The following NTRK3 variants were observed in gnomAD, a reference collection of about 807,000 sequenced individuals.
The protein encoded by NTRK3 is NT-3 growth factor receptor.
Under a neutral mutation model 91.7 loss-of-function variants are expected in NTRK3, and 24 were observed. That is an observed-to-expected ratio of 0.26 (90% CI 0.19 to 0.37). NTRK3 has a LOEUF of 0.37. Among genes scored for constraint, NTRK3 ranks in the 10% least tolerant of loss-of-function variants. NTRK3 has a pLI of 1.00. For synonymous variants in NTRK3, 483 were observed against 404.0 expected (o/e 1.20, Z -2.34); for missense variants, 880 against 1,068.9 (o/e 0.82, Z 2.46).
intron 13 of NTRK3, among the ~76,000 whole-genome samples, chr15:88,105,849 C>G (rs964903780): frequency 2.0e-5 from 3 of 152,160 alleles, no homozygotes; most frequent in Admixed American, 2.0e-4. Flanking sequence ...TCAAATCTCT[C>G]AATACCTTCT....
At chr15:88,066,729 C>T (rs1159545285) in intron 13 of NTRK3, among the ~76,000 whole-genome samples, 1 of 152,140 alleles carries the variant, frequency 6.6e-6, no homozygotes, top group African/African-American at 2.4e-5. Context: ...CACAGTAGAG[C>T]CATGATCGTC....
chr15:88,132,084 A>G (rs535690514), intron 10 of NTRK3: 1 of 187,054 alleles, frequency 5.3e-6, no homozygotes, highest in African/African-American at 2.3e-5. Context: ...AAGGTGAAGC[A>G]ATTTGCCTGA....
At chr15:88,033,663 G>A (rs1472184670) in intron 13 of NTRK3, among the ~76,000 whole-genome samples, 1 of 152,032 alleles carries the variant, frequency 6.6e-6, no homozygotes, top group East Asian at 1.9e-4. Flanking sequence ...CGAATGCTCT[G>A]TATTCTGAAT....
At chr15:88,029,761 G>A (rs1362555914) in intron 14 of NTRK3, among the ~76,000 whole-genome samples, 1 of 152,168 alleles carries the variant, frequency 6.6e-6, no homozygotes, top group South Asian at 2.1e-4. Flanking sequence ...ATGCCAAGAT[G>A]CATGTGGCTT....
chr15:87,918,468 C>T (rs2067619870), intron 17 of NTRK3, among the ~76,000 whole-genome samples: 3 of 152,208 alleles, frequency 2.0e-5, no homozygotes, highest in Admixed American at 1.3e-4. Context: ...TCCTTACCTC[C>T]AAGCTTCCTC....
exon 19 of NTRK3, chr15:87,872,753 A>G (rs867478523): frequency 2.2e-5 from 5 of 232,304 alleles, no homozygotes; most frequent in African/African-American, 4.4e-5. Flanking sequence ...ATCCTTTGCC[A>G]TTGGTAACTT....
intron 13 of NTRK3, among the ~76,000 whole-genome samples, chr15:88,100,263 C>G (rs139057107): frequency 8.5e-4 from 129 of 152,296 alleles, no homozygotes; most frequent in African/African-American, 3.0e-3. Context: ...AAGAACAATG[C>G]AAGAGGCTTC....
chr15:88,228,767 C>G (rs1377722050), intron 3 of NTRK3, among the ~76,000 whole-genome samples: 1 of 152,202 alleles, frequency 6.6e-6, no homozygotes, highest in Non-Finnish European at 1.5e-5. Flanking sequence ...AACAAGCTCT[C>G]TAGATATGGC....
rs368792073 is a variant in NTRK3 at position 88,241,862 on chromosome 15, C to T, written c.248+14044G>A. On this transcript the variant is annotated intron_variant, in intron 3 of 18. Transcript: ENST00000394480. This position sits in a 1 kb window ranked among gnomAD's most constrained non-coding sequence, Gnocchi z 4.3. ...TGGCCCACCTCCCCTCTCCAGAGGT[C>T]GATTTCCAGGTGCAGGGAGAGGCCA... is the stretch of plus-strand genomic sequence containing the variant. Among the ~76,000 whole-genome samples the T allele has an allele frequency of 2.0e-5, 3 of 152,148 alleles. No individual in the cohort carries two copies.
At chr15:88,155,776 C>A (rs2043830087) in intron 5 of NTRK3, among the ~76,000 whole-genome samples, 1 of 152,040 alleles carries the variant, frequency 6.6e-6, no homozygotes, top group Non-Finnish European at 1.5e-5. Context: ...CCCAATATAT[C>A]CAAAACATCA....
intron 5 of NTRK3, among the ~76,000 whole-genome samples, chr15:88,152,682 T>G (rs1470209660): frequency 1.3e-5 from 2 of 152,214 alleles, no homozygotes; most frequent in African/African-American, 4.8e-5. Context: ...TCTCGGCCCC[T>G]CATTTGCCCT....
At chr15:88,012,090 A>G (rs1488129843) in intron 14 of NTRK3, among the ~76,000 whole-genome samples, 1 of 152,124 alleles carries the variant, frequency 6.6e-6, no homozygotes, top group Non-Finnish European at 1.5e-5. Context: ...CCCACCCTGT[A>G]CCCTACGGCC....
intron 13 of NTRK3, among the ~76,000 whole-genome samples, chr15:88,082,277 CAAAA>C (rs1218706062): frequency 5.7e-5 from 4 of 70,024 alleles, no homozygotes; most frequent in Non-Finnish European, 6.3e-5. Flanking sequence ...GACTCTGTCT[CAAAA>C]AAAAAAAAAA....
intron 13 of NTRK3, among the ~76,000 whole-genome samples, chr15:88,121,267 T>C (rs2052674279): frequency 1.3e-5 from 2 of 152,212 alleles, no homozygotes; most frequent in African/African-American, 2.4e-5. Context: ...CTGGTTATTG[T>C]TCTAATGACG....
At chr15:87,903,847 T>A (rs534457811) in intron 17 of NTRK3, among the ~76,000 whole-genome samples, 96 of 152,260 alleles carry the variant, frequency 6.3e-4, no homozygotes, top group African/African-American at 2.3e-3. Flanking sequence ...TAAACTACAT[T>A]GGTGTTTGAC....
intron 13 of NTRK3, among the ~76,000 whole-genome samples, chr15:88,107,959 G>A (rs549363006): frequency 7.9e-5 from 12 of 152,048 alleles, no homozygotes; most frequent in African/African-American, 2.4e-4. Flanking sequence ...GAGAGCAAGC[G>A]ACATCCTAGA....
intron 5 of NTRK3, among the ~76,000 whole-genome samples, chr15:88,180,283 G>A (rs1390483074): frequency 1.3e-5 from 2 of 152,190 alleles, no homozygotes; most frequent in Non-Finnish European, 2.9e-5. Context: ...TAGGATCAGA[G>A]AAGGGATACA....
chr15:88,154,511 C>T (rs1269507208), intron 5 of NTRK3, among the ~76,000 whole-genome samples: 2 of 152,190 alleles, frequency 1.3e-5, no homozygotes, highest in South Asian at 4.1e-4. Flanking sequence ...AATTAAATTG[C>T]TGTAAAATGG....
intron 17 of NTRK3, among the ~76,000 whole-genome samples, chr15:87,899,652 C>G (rs2066334686): frequency 6.6e-6 from 1 of 152,132 alleles, no homozygotes; most frequent in South Asian, 2.1e-4. Context: ...AAAGGGGGAC[C>G]AGGAACACTT....
Sources: gnomAD v4.1 joint callset for allele counts (sites outside exome capture counted in the v4.1 genomes callset) on GRCh38, gnomAD v4.1.1 for gene constraint, Gnocchi (gnomAD v3.1) non-coding constraint, MANE v1.5 for transcripts, NCBI Gene and HGNC (gene_info 2026-07-23, HGNC 2026-07-21) for gene names.